The following OTOP1 variants were observed in gnomAD, a reference collection of about 807,000 sequenced individuals.
The protein encoded by OTOP1 is proton channel OTOP1.
A neutral mutation model predicts 52.9 loss-of-function variants in OTOP1; 59 were observed. The ratio of observed to expected loss-of-function variants is 1.12; its 90% confidence interval spans 0.91 to 1.39. The LOEUF is 1.39. OTOP1 is among the 40% of genes most tolerant of loss of function. The probability of loss-of-function intolerance (pLI) is 0.00; values close to 1 mark genes in which losing one functional copy is unlikely to be tolerated. For missense variants in OTOP1, 761 were observed against 800.9 expected (o/e 0.95, Z 0.60); for synonymous variants, 317 against 337.7 (o/e 0.94, Z 0.67).
At chr4:4,204,745 T>C (rs1383798146) in intron 3 of OTOP1, among the ~76,000 whole-genome samples, 4 of 93,794 alleles carry the variant, frequency 4.3e-5, no homozygotes, top group African/African-American at 8.7e-5. Flanking sequence ...TGTGTGTGTG[T>C]GTGTGCGTGT....
At chr4:4,224,499 C>G (rs1448218857) in intron 1 of OTOP1, among the ~76,000 whole-genome samples, 1 of 152,122 alleles carries the variant, frequency 6.6e-6, no homozygotes, top group African/African-American at 2.4e-5. Context: ...GGGGCTTTGA[C>G]TATAGGAAAA....
At chr4:4,219,844 TAC>T (rs1309617724) in intron 1 of OTOP1, among the ~76,000 whole-genome samples, 19 of 147,054 alleles carry the variant, frequency 1.3e-4, no homozygotes, top group African/African-American at 3.9e-4. Context: ...TACATATATA[TAC>T]ACATATACAT....
At chr4:4,190,979 T>A (rs2916407) in intron 5 of OTOP1, among the ~76,000 whole-genome samples, 18,949 of 152,072 alleles carry the variant, frequency 0.12, 1,398 homozygotes, top group East Asian at 0.29. Context: ...GACTTCCCAG[T>A]CTCAATCTCC....
chr4:4,224,799 G>A (rs757153248), intron 1 of OTOP1, among the ~76,000 whole-genome samples: 1 of 152,218 alleles, frequency 6.6e-6, no homozygotes, highest in African/African-American at 2.4e-5. Context: ...ATACAAGGCA[G>A]AAACGGACAA....
chr4:4,206,170 C>T, intron 2 of OTOP1, 40 bp from the exon 3 acceptor site: 1 of 1,501,500 alleles, frequency 6.7e-7, no homozygotes, highest in East Asian at 2.3e-5. Context: ...ATCGGTGAGA[C>T]ACTCATCTTT....
rs1477730509 is a variant in OTOP1, at chr4:4,197,073, AC to A, written c.1668+92del. 36 of 1,286,928 alleles carry A rather than the reference AC, an allele frequency of 2.8e-5. No homozygotes were observed. In the South Asian group the frequency reaches 4.4e-4, roughly 16 times the overall value. The allele number at this position is 1,286,928 out of a possible 1,614,324, so 79.7% of individuals were successfully genotyped here. ...ACCAAACCTCAGCAACACGCAATTT[AC>A]CCATTTAACAAATCTGCATGTGTAC... On this transcript the variant is annotated intron_variant, in intron 5 of 5. Coordinates refer to ENST00000296358, the MANE Select transcript of OTOP1 (RefSeq NM_177998.3).
intron 3 of OTOP1, among the ~76,000 whole-genome samples, chr4:4,204,341 A>G (rs17630145): frequency 0.16 from 23,729 of 152,100 alleles, 2,377 homozygotes; most frequent in Non-Finnish European, 0.23. Context: ...AGCATTATAT[A>G]GAGCCTTTGA....
chr4:4,189,743 C>A (rs1716461990), intron 5 of OTOP1, among the ~76,000 whole-genome samples: 1 of 152,224 alleles, frequency 6.6e-6, no homozygotes, highest in Non-Finnish European at 1.5e-5. Context: ...CTGTGAAGCA[C>A]CCTATGCGGC....
intron 1 of OTOP1, among the ~76,000 whole-genome samples, chr4:4,225,550 T>C (rs1289138201): frequency 5.7e-5 from 6 of 105,372 alleles, no homozygotes; most frequent in South Asian, 3.4e-4. Context: ...GCCTGGGAGA[T>C]AGAGCAACAT....
Position 4,206,148 on chromosome 4 carries a change from AAG to A in OTOP1, c.541-20_541-19del, listed in dbSNP as rs1197541716. ...AAATATACCTAGATGGAAATAAAGA[AAG>A]AAAAGAAAAATCGGTGAGACACTCA... On this transcript the variant is annotated intron_variant, in intron 2 of 5. Transcript: ENST00000296358. 1.3e-6 allele frequency: 2 copies of A among 1,575,776 alleles called. No individual in the cohort carries two copies. The highest frequency in any genetic ancestry group is 1.7e-6 in the Non-Finnish European group (2 of 1,147,970).
rs376043302 is a variant in OTOP1 at position 4,209,722 on chromosome 4, G to A, written c.540+3146C>T. ...CCCACCTTGCAAGTAAGACCCACAC[G>A]GCCCAGAGAAGTTAAGTAATTTGCC... On this transcript the variant is annotated intron_variant, in intron 2 of 5. Transcript: ENST00000296358. Among the ~76,000 whole-genome samples, 215 of 152,202 alleles carry A rather than the reference G, an allele frequency of 1.4e-3. 3 individuals are homozygous for A. The South Asian group carries it at 0.038, about 27-fold the overall frequency.
chr4:4,188,745 C>G lies in OTOP1; in HGVS notation c.*58G>C. Reference sequence around the variant, plus strand: ...GCAATATTTGCCCAACCTGGCCACTCCTAGTTGGCTCCAATGAACTCTTGT... The same window carrying G: ...GCAATATTTGCCCAACCTGGCCACTGCTAGTTGGCTCCAATGAACTCTTGT... On this transcript the variant is annotated 3_prime_UTR_variant, in exon 6 of 6. Coordinates refer to ENST00000296358, the MANE Select transcript of OTOP1 (RefSeq NM_177998.3). 1.3e-6 allele frequency: 2 copies of G among 1,493,028 alleles called. No individual in the cohort carries two copies. Among genetic ancestry groups the G allele is most frequent in the South Asian group, 1.4e-5 (1 of 72,026 alleles). 92.5% of individuals were successfully genotyped at this position (1,493,028 alleles called of 1,614,324 possible).
At chr4:4,199,409 TTGTTTTG>T (rs1716729887) in intron 4 of OTOP1, among the ~76,000 whole-genome samples, 2 of 152,154 alleles carry the variant, frequency 1.3e-5, no homozygotes, top group South Asian at 2.1e-4. Flanking sequence ...GGGGGTTTTT[TTGTTTTG>T]TGTTTTGTTT....
At chr4:4,212,700 A>G (rs1006721785) in intron 2 of OTOP1, among the ~76,000 whole-genome samples, 168 bp downstream of exon 2, 29 of 152,230 alleles carry the variant, frequency 1.9e-4, no homozygotes, top group Non-Finnish European at 3.2e-4. Context: ...TTATTTTGCA[A>G]TGGAGGCAGC....
At chr4:4,205,978 T>C (rs1716897446) in intron 3 of OTOP1, 94 bp downstream of exon 3, 2 of 1,141,636 alleles carry the variant, frequency 1.8e-6, no homozygotes, top group South Asian at 2.6e-5. Flanking sequence ...AGTTGGTCTG[T>C]TTTTATAACC....
chr4:4,198,594 C>G (rs879871054), intron 4 of OTOP1, among the ~76,000 whole-genome samples: 1 of 152,174 alleles, frequency 6.6e-6, no homozygotes, highest in Non-Finnish European at 1.5e-5. Context: ...TGAAAAAATA[C>G]TTTCTGGAGA....
chr4:4,194,067 T>C (rs1451800556), intron 5 of OTOP1, among the ~76,000 whole-genome samples: 3 of 152,078 alleles, frequency 2.0e-5, no homozygotes, highest in Non-Finnish European at 4.4e-5. Flanking sequence ...TGCATGCCTG[T>C]AGTCCCACCT....
At chr4:4,211,063 C>T (rs1389277639) in intron 2 of OTOP1, among the ~76,000 whole-genome samples, 1 of 152,104 alleles carries the variant, frequency 6.6e-6, no homozygotes, top group African/African-American at 2.4e-5. Context: ...CCCAGTGATC[C>T]CATCAAGCCA....
At position 4,197,804 on chromosome 4, in the gene OTOP1, C is replaced by A. The variant is rs1203270021; in HGVS notation, c.1030G>T (p.Glu344Ter). 1.2e-6 allele frequency: 2 copies of A among 1,613,916 alleles called. No homozygotes were observed. Among genetic ancestry groups the A allele is most frequent in the Admixed American group, 1.7e-5 (1 of 59,980 alleles). ...AGGTAGAACATGATGAGTGCCGACT[C>A]GCTCTTGGTCTTGGAGCGCCCAATA... ...IHIGRSKTKSESALIMFYLYA... is the reference protein window; with the variant it reads ...IHIGRSKTKS The change falls in exon 5 of 6, where the codon GAG becomes TAG. Residue 344 changes from glutamate to a stop codon, truncating the protein, a stop_gained. Coordinates refer to ENST00000296358, the MANE Select transcript of OTOP1 (RefSeq NM_177998.3). LOFTEE classifies it high-confidence loss of function.
Sources: allele counts gnomAD v4.1 joint callset (sites outside exome capture counted in the v4.1 genomes callset), GRCh38; gene constraint gnomAD v4.1.1; transcripts MANE v1.5; gene names NCBI Gene and HGNC (gene_info 2026-07-23, HGNC 2026-07-21).